The following COL4A4 variants were observed in gnomAD, a reference collection of about 807,000 sequenced individuals.
COL4A4 encodes the protein collagen type IV alpha 4 chain.
Under a neutral mutation model 192.9 loss-of-function variants are expected in COL4A4, and 105 were observed. That is an observed-to-expected ratio of 0.54 (90% confidence interval 0.46 to 0.64). COL4A4 has a LOEUF of 0.64. COL4A4 is among the 30% of genes least tolerant of loss of function. The probability of loss-of-function intolerance (pLI) is 0.00; values close to 1 mark genes in which losing one functional copy is unlikely to be tolerated. For missense variants in COL4A4, 1,967 were observed against 2,169.3 expected (o/e 0.91, Z 1.85); for synonymous variants, 762 against 769.9 (o/e 0.99, Z 0.17).
At chr2:227,108,720 T>C (rs775876328) in intron 11 of COL4A4, 98 bp from the exon 12 acceptor site, 1,760 of 1,521,606 alleles carry the variant, frequency 1.2e-3, no homozygotes, top group Non-Finnish European at 1.5e-3. Flanking sequence ...TTGCAGTTCA[T>C]GGAATACTTT....
chr2:227,089,545 A>G lies in COL4A4; in HGVS notation c.1459+323T>C, dbSNP rs1207402173. 2.0e-5 allele frequency among the ~76,000 whole-genome samples: 3 copies of G among 147,020 alleles called. No homozygotes were observed. The East Asian group carries it at 6.2e-4, about 30-fold the overall frequency. On this transcript the variant is annotated intron_variant, in intron 21 of 47. Coordinates refer to ENST00000396625, the MANE Select transcript of COL4A4 (RefSeq NM_000092.5). The stretch of plus-strand genomic sequence containing the variant: ...AAGGAATCAAGAGGACCTTGTGAGC[A>G]AAGTCACCATTTGCAGACAAAATTC...
chr2:227,125,827 C>T (rs996442349), intron 4 of COL4A4, among the ~76,000 whole-genome samples: 2 of 152,166 alleles, frequency 1.3e-5, no homozygotes, highest in African/African-American at 4.8e-5. Flanking sequence ...ACACTCTCAC[C>T]CGTGACTATC....
At chr2:227,144,978 GA>G (rs1247319054) in intron 2 of COL4A4, among the ~76,000 whole-genome samples, 2 of 152,194 alleles carry the variant, frequency 1.3e-5, no homozygotes, top group Non-Finnish European at 2.9e-5. Context: ...TAGAAGGAGG[GA>G]AGGTGGAAGG....
At chr2:227,008,426 GCCT>G in intron 46 of COL4A4, 122 bp from the exon 47 acceptor site, 1 of 1,136,906 alleles carries the variant, frequency 8.8e-7, no homozygotes, top group South Asian at 1.4e-5. Flanking sequence ...CCTCGCCAAA[GCCT>G]GCTTCTGTGG....
At chr2:226,988,202 A>G in the COL4A4 span, 1 of 775,802 alleles carries the variant, frequency 1.3e-6, no homozygotes, top group Non-Finnish European at 2.0e-6. Context: ...ATTAAAACTT[A>G]CCCAAAGACA....
intron 25 of COL4A4, among the ~76,000 whole-genome samples, chr2:227,075,281 A>T (rs1024345869): frequency 6.6e-6 from 1 of 152,214 alleles, no homozygotes; most frequent in Non-Finnish European, 1.5e-5. Context: ...ATCCAGCAGC[A>T]CATCAAAAAG....
the COL4A4 span, chr2:226,988,844 A>G: frequency 3.2e-6 from 1 of 314,190 alleles, no homozygotes; most frequent in South Asian, 1.3e-4. Context: ...AGCTAGACCT[A>G]TCTATTGCCA....
At chr2:227,122,708 C>A (rs1356913987) in intron 4 of COL4A4, among the ~76,000 whole-genome samples, 4 of 152,140 alleles carry the variant, frequency 2.6e-5, no homozygotes, top group East Asian at 1.9e-4. Context: ...AACCAAAGGG[C>A]CCCAGACAAT....
chr2:227,030,352 A>C, intron 41 of COL4A4, 91 bp downstream of exon 41: 1 of 1,391,076 alleles, frequency 7.2e-7, no homozygotes, highest in East Asian at 2.3e-5. Context: ...TTGTTTGCAT[A>C]GGAAATAGAA....
the COL4A4 span, chr2:226,997,039 A>G: frequency 6.6e-6 from 1 of 152,178 alleles, no homozygotes; most frequent in Non-Finnish European, 1.5e-5. Flanking sequence ...TTGACCATGG[A>G]GTTTTGTGTC....
At chr2:227,128,276 T>G (rs1283709146) in intron 4 of COL4A4, among the ~76,000 whole-genome samples, 1 of 152,162 alleles carries the variant, frequency 6.6e-6, no homozygotes, top group Non-Finnish European at 1.5e-5. Flanking sequence ...GGAGTGACGT[T>G]TCAATCCCTT....
intron 29 of COL4A4, 72 bp from the exon 30 acceptor site, chr2:227,056,187 C>T (rs1438805217): frequency 7.4e-7 from 1 of 1,349,340 alleles, no homozygotes; most frequent in Non-Finnish European, 1.1e-6. Context: ...GAAAAATATA[C>T]AGTAGCTTAA....
chr2:227,070,822 A>G (rs979363684), intron 25 of COL4A4, among the ~76,000 whole-genome samples: 1 of 151,870 alleles, frequency 6.6e-6, no homozygotes, highest in East Asian at 1.9e-4. Flanking sequence ...ACATGTATAC[A>G]TATGTAACTA....
chr2:227,031,269 C>G lies in COL4A4; in HGVS notation c.3818-671G>C, dbSNP rs1031070033. Among the ~76,000 whole-genome samples, 8 of 152,086 alleles carry G rather than the reference C, an allele frequency of 5.3e-5. 1 individual carries two copies. The highest frequency in any genetic ancestry group is 1.5e-5 in the Non-Finnish European group (1 of 68,018). ...CTTTATTATTTTCAGTGTATGATCC[C>G]TAAAATCCTAAAGATTCAAAGATGA... On this transcript the variant is annotated intron_variant, in intron 40 of 47. Coordinates refer to ENST00000396625, the MANE Select transcript of COL4A4 (RefSeq NM_000092.5).
intron 25 of COL4A4, among the ~76,000 whole-genome samples, chr2:227,070,548 A>G (rs960256944): frequency 0.014 from 2,133 of 152,170 alleles, 51 homozygotes; most frequent in African/African-American, 0.048. Flanking sequence ...CATAAAAAAC[A>G]ATGAGTGCAT....
At chr2:227,146,632 T>C (rs910812572) in intron 2 of COL4A4, among the ~76,000 whole-genome samples, 3 of 152,182 alleles carry the variant, frequency 2.0e-5, no homozygotes, top group African/African-American at 7.2e-5. Flanking sequence ...TGGGTCTGAC[T>C]GCCAAGAACC....
At chr2:227,137,765 C>T (rs532387671) in intron 4 of COL4A4, among the ~76,000 whole-genome samples, 4 of 152,306 alleles carry the variant, frequency 2.6e-5, no homozygotes, top group African/African-American at 9.6e-5. Context: ...GTCGGCTCAT[C>T]TCTTTCTTGC....
intron 34 of COL4A4, among the ~76,000 whole-genome samples, chr2:227,048,448 A>G (rs1973359392): frequency 6.6e-6 from 1 of 152,228 alleles, no homozygotes; most frequent in Admixed American, 6.5e-5. Context: ...AAGCATTATC[A>G]TGAGCTGTCC....
At chr2:227,108,942 C>G (rs191297873) in intron 10 of COL4A4, 74 bp from the exon 11 acceptor site, 46 of 1,397,870 alleles carry the variant, frequency 3.3e-5, no homozygotes, top group Admixed American at 5.1e-5. Context: ...TTTGTTACCC[C>G]AAAATAGGGT....
Sources: allele counts gnomAD v4.1 joint callset (sites outside exome capture counted in the v4.1 genomes callset), GRCh38; gene constraint gnomAD v4.1.1; transcripts MANE v1.5; gene names NCBI Gene and HGNC (gene_info 2026-07-23, HGNC 2026-07-21).